Variants in VSNL1 observed in about 807,000 individuals in gnomAD.
The protein encoded by VSNL1 is visinin-like protein 1.
Under a neutral mutation model 20.4 loss-of-function variants are expected in VSNL1, and 6 were observed. The observed-to-expected ratio is 0.29, with a 90% CI of 0.16 to 0.58. The LOEUF (loss-of-function observed/expected upper bound fraction) is 0.58. Among genes scored for constraint, VSNL1 ranks in the 20% least tolerant of loss-of-function variants. The probability of loss-of-function intolerance (pLI) is 0.90; values close to 1 mark genes in which losing one functional copy is unlikely to be tolerated. For missense variants in VSNL1, 100 were observed against 234.5 expected, an observed-to-expected ratio of 0.43 and a Z score of 3.75; for synonymous variants, 93 against 86.4, an observed-to-expected ratio of 1.08 and a Z score of -0.42.
At chr2:17,587,761 A>T (rs1313504908) in intron 1 of VSNL1, among the ~76,000 whole-genome samples, 1 of 152,134 alleles carries the variant, frequency 6.6e-6, no homozygotes, top group African/African-American at 2.4e-5. Context: ...AGGGTAAATT[A>T]CTTAATCTCT....
intron 1 of VSNL1, among the ~76,000 whole-genome samples, chr2:17,581,839 A>C (rs1664358091): frequency 6.6e-6 from 1 of 152,190 alleles, no homozygotes; most frequent in Admixed American, 6.5e-5. Context: ...TAATTCAACA[A>C]CATTTCCTGG....
intron 1 of VSNL1, among the ~76,000 whole-genome samples, chr2:17,543,933 C>T (rs1394971795): frequency 1.3e-5 from 2 of 152,066 alleles, no homozygotes; most frequent in South Asian, 4.1e-4. Context: ...CATTCTATGC[C>T]TCCTAAATAT....
intron 2 of VSNL1, among the ~76,000 whole-genome samples, chr2:17,602,369 C>T (rs1320350791): frequency 2.0e-5 from 3 of 152,242 alleles, no homozygotes; most frequent in Admixed American, 2.0e-4. Flanking sequence ...TCTCCCCTCA[C>T]AGGTGAAATC....
intron 2 of VSNL1, among the ~76,000 whole-genome samples, chr2:17,630,703 C>T (rs1665609694): frequency 6.6e-6 from 1 of 152,116 alleles, no homozygotes; most frequent in Non-Finnish European, 1.5e-5. Flanking sequence ...AAATTGACAA[C>T]CAAATAAAGA....
chr2:17,600,759 G>A (rs1158430375), intron 2 of VSNL1, among the ~76,000 whole-genome samples: 3 of 152,314 alleles, frequency 2.0e-5, no homozygotes, highest in East Asian at 3.9e-4. Context: ...TTTTTAGCAT[G>A]TATTTCCACT....
intron 1 of VSNL1, among the ~76,000 whole-genome samples, chr2:17,553,396 A>G (rs889610369): frequency 6.6e-6 from 1 of 152,242 alleles, no homozygotes; most frequent in Non-Finnish European, 1.5e-5. Context: ...CATACCGATT[A>G]AAACTAATAG....
chr2:17,591,030 T>C (rs1420769825), intron 1 of VSNL1, among the ~76,000 whole-genome samples: 1 of 152,222 alleles, frequency 6.6e-6, no homozygotes, highest in African/African-American at 2.4e-5. Flanking sequence ...ATAAAGCAAC[T>C]TTAAAGGGAA....
At chr2:17,590,416 A>G (rs1422905630) in intron 1 of VSNL1, among the ~76,000 whole-genome samples, 1 of 152,196 alleles carries the variant, frequency 6.6e-6, no homozygotes, top group Non-Finnish European at 1.5e-5. Flanking sequence ...GTAACTTATA[A>G]TTAATAGACA....
chr2:17,633,654 G>T (rs1665688005), intron 2 of VSNL1, among the ~76,000 whole-genome samples: 1 of 152,176 alleles, frequency 6.6e-6, no homozygotes, highest in African/African-American at 2.4e-5. Context: ...ACAGACATGA[G>T]TCAGGAGTGA....
chr2:17,641,129 G>A (rs913411853), intron 2 of VSNL1, among the ~76,000 whole-genome samples: 2 of 152,150 alleles, frequency 1.3e-5, no homozygotes, highest in Non-Finnish European at 2.9e-5. Context: ...TCACCATGAC[G>A]CTGTGAAATG....
intron 1 of VSNL1, among the ~76,000 whole-genome samples, chr2:17,567,870 C>A (rs1663989498): frequency 2.0e-5 from 3 of 152,022 alleles, no homozygotes; most frequent in Admixed American, 1.3e-4. Context: ...AATAGATTTT[C>A]TAATATGTAT....
At chr2:17,548,413 T>G in intron 1 of VSNL1, among the ~76,000 whole-genome samples, 1 of 152,128 alleles carries the variant, frequency 6.6e-6, no homozygotes, top group East Asian at 1.9e-4. Context: ...GCACCTAAAT[T>G]CTGAGGTTTC....
Position 17,649,412 on chromosome 2 carries a change from C to T in VSNL1, c.165C>T (p.Phe55=). 1 of 1,614,180 alleles carries T rather than the reference C, an allele frequency of 6.2e-7. No homozygotes were observed. Among genetic ancestry groups the T allele is most frequent in the Non-Finnish European group, 8.5e-7 (1 of 1,180,028 alleles). Residue 55 remains phenylalanine, a splice_region_variant and synonymous_variant, in exon 3 of 4, where the codon TTC becomes TTT. Coordinates refer to ENST00000295156, the MANE Select transcript of VSNL1 (RefSeq NM_003385.5). The surrounding 1 kb of genome is among the most constrained non-coding windows in gnomAD (Gnocchi z 6.4). ...ACTGCGCGTGTTCTCCTTTGCAGTTCTTTCCTTATGGAGACGCCTCCAAGT... is the reference window on the plus strand; with the variant it reads ...ACTGCGCGTGTTCTCCTTTGCAGTTTTTTCCTTATGGAGACGCCTCCAAGT... The part of the protein sequence containing the change: ...LEEFQQLYVK[F]FPYGDASKFA...
intron 1 of VSNL1, among the ~76,000 whole-genome samples, chr2:17,576,564 T>C (rs573446322): frequency 1.2e-4 from 18 of 152,372 alleles, no homozygotes; most frequent in African/African-American, 4.1e-4. Flanking sequence ...TCATATTCTA[T>C]TGATGTTCAT....
chr2:17,582,269 C>T (rs1482539620), intron 1 of VSNL1, among the ~76,000 whole-genome samples: 1 of 151,978 alleles, frequency 6.6e-6, no homozygotes, highest in Non-Finnish European at 1.5e-5. Flanking sequence ...AAAGTGTAGG[C>T]CCAAGTGAGC....
At chr2:17,562,267 T>C (rs1572333514) in intron 1 of VSNL1, among the ~76,000 whole-genome samples, 1 of 152,302 alleles carries the variant, frequency 6.6e-6, no homozygotes, top group Middle Eastern at 3.4e-3. Flanking sequence ...ATTTGAAAAA[T>C]AATGCAATAT....
chr2:17,644,235 C>G (rs1665946352), intron 2 of VSNL1, among the ~76,000 whole-genome samples: 1 of 152,208 alleles, frequency 6.6e-6, no homozygotes, highest in Non-Finnish European at 1.5e-5. Flanking sequence ...TGGTCAGCAT[C>G]TAAGGGCACA....
At chr2:17,609,871 A>AC (rs1271974226) in intron 2 of VSNL1, among the ~76,000 whole-genome samples, 4 of 151,188 alleles carry the variant, frequency 2.6e-5, no homozygotes, top group Non-Finnish European at 4.4e-5. Context: ...AGCTTACACA[A>AC]CCCCCCACTG....
chr2:17,556,084 A>C (rs1466955394), intron 1 of VSNL1, among the ~76,000 whole-genome samples: 1 of 152,182 alleles, frequency 6.6e-6, no homozygotes, highest in Non-Finnish European at 1.5e-5. Context: ...CAAAATAACC[A>C]ATACGAACAC....
Sources: allele counts gnomAD v4.1 joint callset (sites outside exome capture counted in the v4.1 genomes callset), GRCh38; gene constraint gnomAD v4.1.1; non-coding constraint Gnocchi (gnomAD v3.1); transcripts MANE v1.5; gene names NCBI Gene and HGNC (gene_info 2026-07-23, HGNC 2026-07-21).